SDK2: variants seen among roughly 807,000 people sequenced by gnomAD.
SDK2 encodes sidekick cell adhesion molecule 2, also known as protein sidekick-2.
In SDK2, 105 loss-of-function variants were observed where a neutral mutation model predicts 253.9. That is an observed-to-expected ratio of 0.41 (90% confidence interval 0.35 to 0.49). SDK2 has a LOEUF of 0.49. Ranked by LOEUF, SDK2 falls within the 20% of genes least tolerant of loss-of-function variation. The pLI, the probability that SDK2 is intolerant of heterozygous loss-of-function variation, is 0.06. For synonymous variants in SDK2, 1,249 were observed against 1,234.9 expected (o/e 1.01, Z -0.24); for missense variants, 2,608 against 3,003.0 (o/e 0.87, Z 3.07).
intron 1 of SDK2, among the ~76,000 whole-genome samples, chr17:73,621,173 T>C (rs770785712): frequency 1.3e-5 from 2 of 152,224 alleles, no homozygotes; most frequent in African/African-American, 4.8e-5. Context: ...CCTAAATCTC[T>C]GGCTGACCCC....
Position 73,395,090 on chromosome 17 carries a change from C to A in SDK2, c.3592+65G>T, listed in dbSNP as rs539869089. 522 of 1,322,268 alleles carry A rather than the reference C, an allele frequency of 3.9e-4. 2 individuals carry two copies. Among genetic ancestry groups the A allele is most frequent in the South Asian group, 1.5e-3 (114 of 76,088 alleles). The allele number at this position is 1,322,268 out of a possible 1,614,324, so 81.9% of individuals were successfully genotyped here. On this transcript the variant is annotated intron_variant, in intron 25 of 44. Coordinates refer to ENST00000392650, the MANE Select transcript of SDK2 (RefSeq NM_001144952.2). This position sits in a 1 kb window ranked among gnomAD's most constrained non-coding sequence, Gnocchi z 4.3. ...TTCAGCCTGGCACGCGCTTGGATGACCCTGAGGGCATAGAGACCAAGGAGG... is the reference window on the plus strand; with the variant it reads ...TTCAGCCTGGCACGCGCTTGGATGAACCTGAGGGCATAGAGACCAAGGAGG...
At chr17:73,510,256 G>A (rs1273750387) in intron 1 of SDK2, among the ~76,000 whole-genome samples, 1 of 152,148 alleles carries the variant, frequency 6.6e-6, no homozygotes. Flanking sequence ...GCCCAAGTCA[G>A]CTGGCCCTGC....
At chr17:73,466,937 G>A (rs375551343) in intron 3 of SDK2, among the ~76,000 whole-genome samples, 353 of 152,248 alleles carry the variant, frequency 2.3e-3, no homozygotes, top group South Asian at 0.012. Flanking sequence ...CCTCGGTTGG[G>A]GCGAGAATCC....
At chr17:73,378,164 A>AT (rs11414497) in intron 36 of SDK2, among the ~76,000 whole-genome samples, 68,289 of 151,852 alleles carry the variant, frequency 0.45, 17,022 homozygotes, top group East Asian at 0.72. Context: ...CAATGGCTCC[A>AT]CATGGCCTAC....
At chr17:73,592,805 G>A (rs950884984) in intron 1 of SDK2, among the ~76,000 whole-genome samples, 8 of 152,186 alleles carry the variant, frequency 5.3e-5, no homozygotes, top group Admixed American at 2.6e-4. Context: ...TGTAACCACC[G>A]TGCGTGACAC....
At chr17:73,566,519 C>T (rs1013617386) in intron 1 of SDK2, among the ~76,000 whole-genome samples, 8 of 152,156 alleles carry the variant, frequency 5.3e-5, no homozygotes, top group South Asian at 2.1e-4. Context: ...CAAAAATAGA[C>T]AAAAACATGA....
intron 5 of SDK2, among the ~76,000 whole-genome samples, chr17:73,441,922 G>A (rs1026106038): frequency 5.9e-5 from 9 of 152,280 alleles, no homozygotes; most frequent in African/African-American, 1.7e-4. Context: ...ATTAGATGAG[G>A]CCACGAGGGC....
chr17:73,400,158 G>C (rs1418906513), intron 21 of SDK2, among the ~76,000 whole-genome samples: 1 of 152,192 alleles, frequency 6.6e-6, no homozygotes. Flanking sequence ...GGACCACATG[G>C]TTATCTGGTC....
intron 33 of SDK2, among the ~76,000 whole-genome samples, chr17:73,382,782 A>G (rs1174895408): frequency 6.6e-6 from 1 of 152,236 alleles, no homozygotes; most frequent in Non-Finnish European, 1.5e-5. Context: ...CGGGCAGGCC[A>G]CTTAAGGTCA....
chr17:73,497,205 A>G (rs563324686), intron 2 of SDK2, among the ~76,000 whole-genome samples: 192 of 152,302 alleles, frequency 1.3e-3, no homozygotes, highest in African/African-American at 4.4e-3. Context: ...GCCTGAGCTC[A>G]TGATTTTGGA....
intron 2 of SDK2, among the ~76,000 whole-genome samples, chr17:73,484,698 G>C (rs576857851): frequency 4.6e-5 from 7 of 152,392 alleles, no homozygotes; most frequent in African/African-American, 1.7e-4. Flanking sequence ...ATCCCAGGGA[G>C]AATCCTTCCT....
intron 1 of SDK2, chr17:73,518,629 A>C (rs1419471001): frequency 6.6e-6 from 1 of 152,184 alleles, no homozygotes; most frequent in Non-Finnish European, 1.5e-5. Flanking sequence ...TCTTTCTTAC[A>C]TTTCCCTTGG....
rs2143302406 is a variant in SDK2, at chr17:73,639,083, T to A, written c.64+4942A>T. ...CCTCGGCCTCCCAAAGTGCTGGGAT[T>A]ACAGGCGTGAGCCACTGTGCCTGGC... On this transcript the variant is annotated intron_variant, in intron 1 of 44. Transcript: ENST00000392650. This position sits in a 1 kb window ranked among gnomAD's most constrained non-coding sequence, Gnocchi z 4.3. Among the ~76,000 whole-genome samples the A allele has an allele frequency of 6.6e-6, 1 of 152,320 alleles. No individual in the cohort carries two copies. The highest frequency in any genetic ancestry group is 2.1e-4 in the South Asian group (1 of 4,822).
intron 29 of SDK2, among the ~76,000 whole-genome samples, chr17:73,389,466 G>A (rs1414859679): frequency 6.6e-6 from 1 of 152,162 alleles, no homozygotes; most frequent in Non-Finnish European, 1.5e-5. Context: ...TTACAGGTGT[G>A]AGCCACCATG....
intron 8 of SDK2, among the ~76,000 whole-genome samples, chr17:73,436,145 C>T (rs369803565): frequency 1.3e-5 from 2 of 152,144 alleles, no homozygotes; most frequent in East Asian, 1.9e-4. Context: ...ACGAATGGCG[C>T]CCTGTGTCGA....
chr17:73,379,416 T>A lies in SDK2; in HGVS notation c.4864+32A>T. 6.4e-7 allele frequency: 1 copy of A among 1,561,202 alleles called. No homozygotes were observed. The highest frequency in any genetic ancestry group is 8.8e-7 in the Non-Finnish European group (1 of 1,141,942). On this transcript the variant is annotated intron_variant, in intron 35 of 44. Coordinates refer to ENST00000392650, the MANE Select transcript of SDK2 (RefSeq NM_001144952.2). The surrounding 1 kb of genome is among the most constrained non-coding windows in gnomAD (Gnocchi z 4.5). ...GAACTGGGTGGGGCTGGGAAAGGCA[T>A]GCTGGGGCCGGACAGGGCGGGCGCT...
intron 13 of SDK2, 63 bp from the exon 14 acceptor site, chr17:73,423,585 G>T: frequency 6.9e-7 from 1 of 1,447,542 alleles, no homozygotes. Context: ...CGGGGGCGCT[G>T]TGGACACAGG....
At chr17:73,576,029 G>A (rs369851728) in intron 1 of SDK2, among the ~76,000 whole-genome samples, 115 of 152,364 alleles carry the variant, frequency 7.5e-4, no homozygotes, top group African/African-American at 2.7e-3. Context: ...GTGGGATGAG[G>A]AAGTTTGCAC....
Position 73,379,579 on chromosome 17 carries a change from C to A in SDK2, c.4763-30G>T, listed in dbSNP as rs746759670. The A allele has an allele frequency of 7.3e-7, 1 of 1,371,886 alleles. No homozygotes were observed. Among genetic ancestry groups the A allele is most frequent in the Non-Finnish European group, 1.0e-6 (1 of 972,220 alleles). 85.0% of individuals were successfully genotyped at this position (1,371,886 alleles called of 1,614,324 possible). A position where few individuals can be genotyped will look rare whatever the true frequency, so the allele number is the denominator to read the frequency against. On this transcript the variant is annotated intron_variant, in intron 34 of 44. Transcript: ENST00000392650. The surrounding 1 kb of genome is among the most constrained non-coding windows in gnomAD (Gnocchi z 4.5). ...GGGGGAGAGTGGGGGAGGGGAAGCA[C>A]ACTGAGGTCACCGTCATTGCTGGGA...
Sources: gnomAD v4.1 joint callset for allele counts (sites outside exome capture counted in the v4.1 genomes callset) on GRCh38, gnomAD v4.1.1 for gene constraint, Gnocchi (gnomAD v3.1) non-coding constraint, MANE v1.5 for transcripts, NCBI Gene and HGNC (gene_info 2026-07-23, HGNC 2026-07-21) for gene names.